The following DAP variants were observed in gnomAD, a reference collection of about 807,000 sequenced individuals.
DAP encodes the protein death associated protein.
A neutral mutation model predicts 13.8 loss-of-function variants in DAP; 8 were observed. That is an observed-to-expected ratio of 0.58 (90% CI 0.34 to 1.05). The LOEUF (loss-of-function observed/expected upper bound fraction) is 1.05. DAP is among the 50% of genes least tolerant of loss of function. DAP has a pLI of 0.03. For missense variants in DAP, 106 were observed against 133.2 expected, an observed-to-expected ratio of 0.80 and a Z score of 1.01; for synonymous variants, 47 against 47.5, an observed-to-expected ratio of 0.99 and a Z score of 0.04.
intron 1 of DAP, among the ~76,000 whole-genome samples, chr5:10,756,016 T>C (rs2111400345): frequency 6.6e-6 from 1 of 152,302 alleles, no homozygotes; most frequent in East Asian, 1.9e-4. Flanking sequence ...GTTGTGGTGG[T>C]GCACACCTGT....
intron 1 of DAP, among the ~76,000 whole-genome samples, chr5:10,754,146 A>G (rs919075814): frequency 6.6e-6 from 1 of 152,222 alleles, no homozygotes; most frequent in Non-Finnish European, 1.5e-5. Context: ...ATGGAAGCCC[A>G]TGCACCTGAA....
chr5:10,688,326 C>A (rs1232342740), intron 2 of DAP, among the ~76,000 whole-genome samples: 1 of 152,198 alleles, frequency 6.6e-6, no homozygotes, highest in African/African-American at 2.4e-5. Context: ...AACAAAAAGA[C>A]TGAGCCTCAC....
intron 2 of DAP, among the ~76,000 whole-genome samples, chr5:10,738,672 A>T (rs1739678684): frequency 6.6e-6 from 1 of 152,256 alleles, no homozygotes; most frequent in African/African-American, 2.4e-5. Flanking sequence ...ATATCACTAA[A>T]TGAAGGTATA....
At chr5:10,689,487 T>G (rs1738244784) in intron 2 of DAP, among the ~76,000 whole-genome samples, 1 of 152,198 alleles carries the variant, frequency 6.6e-6, no homozygotes, top group East Asian at 1.9e-4. Context: ...AAACCCCAAA[T>G]TCACGGAGAT....
At chr5:10,700,468 T>C (rs530163853) in intron 2 of DAP, among the ~76,000 whole-genome samples, 1 of 152,182 alleles carries the variant, frequency 6.6e-6, no homozygotes, top group African/African-American at 2.4e-5. Context: ...TGCTGGGACC[T>C]GTAGGAAGGG....
chr5:10,686,901 G>C (rs746272504), intron 2 of DAP, among the ~76,000 whole-genome samples: 7 of 152,226 alleles, frequency 4.6e-5, no homozygotes, highest in African/African-American at 1.4e-4. Flanking sequence ...CACAGCTAGA[G>C]AGGGAAGTCA....
chr5:10,746,695 T>G (rs1052144775), intron 2 of DAP, among the ~76,000 whole-genome samples: 1 of 152,228 alleles, frequency 6.6e-6, no homozygotes, highest in Admixed American at 6.5e-5. Flanking sequence ...TTTACACTGC[T>G]AATCTCATGA....
At chr5:10,706,332 T>A (rs559617858) in intron 2 of DAP, among the ~76,000 whole-genome samples, 13 of 152,350 alleles carry the variant, frequency 8.5e-5, no homozygotes, top group African/African-American at 3.1e-4. Flanking sequence ...AACAGTCAGC[T>A]TAGGTAATAT....
chr5:10,691,240 G>A (rs1212392569), intron 2 of DAP, among the ~76,000 whole-genome samples: 7 of 152,342 alleles, frequency 4.6e-5, no homozygotes, highest in Middle Eastern at 6.8e-3. Flanking sequence ...GTCTAACAGC[G>A]ATATGTATTT....
chr5:10,685,621 G>C (rs931019237), intron 2 of DAP, among the ~76,000 whole-genome samples: 2 of 152,206 alleles, frequency 1.3e-5, no homozygotes, highest in Non-Finnish European at 2.9e-5. Flanking sequence ...GCCCCACTCT[G>C]GTAGCGAATC....
chr5:10,750,526 A>G (rs1036441648), intron 1 of DAP, among the ~76,000 whole-genome samples: 22 of 152,372 alleles, frequency 1.4e-4, no homozygotes, highest in African/African-American at 5.3e-4. Context: ...AGAAGGAAAC[A>G]GAATCCTGTT....
intron 2 of DAP, among the ~76,000 whole-genome samples, chr5:10,708,509 G>T (rs1366021127): frequency 2.0e-5 from 3 of 151,924 alleles, no homozygotes; most frequent in African/African-American, 7.3e-5. Context: ...TGTATCCTGG[G>T]ATGCACTAAT....
At chr5:10,760,709 G>A (rs1323184722) in intron 1 of DAP, among the ~76,000 whole-genome samples, 2 of 152,202 alleles carry the variant, frequency 1.3e-5, no homozygotes, top group Non-Finnish European at 2.9e-5. Context: ...TTTGTTATAA[G>A]TTGTGCAACT....
At chr5:10,702,884 A>G (rs1738616599) in intron 2 of DAP, among the ~76,000 whole-genome samples, 1 of 152,192 alleles carries the variant, frequency 6.6e-6, no homozygotes, top group Admixed American at 6.5e-5. Flanking sequence ...GTCACTCATG[A>G]CCAAAAAAAC....
At position 10,703,677 on chromosome 5, in the gene DAP, A is replaced by G. The variant is rs115051003; in HGVS notation, c.153-20106T>C. Among the ~76,000 whole-genome samples the G allele has an allele frequency of 8.1e-3, 1,229 of 152,380 alleles. 14 individuals are homozygous for G. Among genetic ancestry groups the G allele is most frequent in the African/African-American group, 0.028 (1,144 of 41,584 alleles). ...CAATAATTCATAACGGACTGGTACA[A>G]CAAGATTTTTTAAGGCTCATAAAAT... On this transcript the variant is annotated intron_variant, in intron 2 of 3. Coordinates refer to ENST00000230895, the MANE Select transcript of DAP (RefSeq NM_004394.3).
At chr5:10,745,078 T>C (rs564967150) in intron 2 of DAP, among the ~76,000 whole-genome samples, 3 of 152,314 alleles carry the variant, frequency 2.0e-5, no homozygotes, top group Admixed American at 6.5e-5. Context: ...GCCGAGCTCA[T>C]TGCACTCTGT....
chr5:10,699,836 TG>T (rs1738522558), intron 2 of DAP, among the ~76,000 whole-genome samples: 2 of 152,256 alleles, frequency 1.3e-5, no homozygotes, highest in South Asian at 4.1e-4. Flanking sequence ...AAAGGTTCCC[TG>T]GGGTGTCCCC....
In DAP at chr5:10,705,200, T is replaced by C. The variant is rs531375513; in HGVS notation, c.153-21629A>G. Among the ~76,000 whole-genome samples, 4 of 152,334 alleles carry C rather than the reference T, an allele frequency of 2.6e-5. No individual in the cohort carries two copies. The South Asian group carries it at 8.3e-4, about 32-fold the overall frequency. ...AATCAGGAAGCCTTTTGGGCAGAAC[T>C]TCCATTAGCATCAGCCCACCGCGGC... On this transcript the variant is annotated intron_variant, in intron 2 of 3. Transcript: ENST00000230895.
Position 10,735,073 on chromosome 5 carries a change from C to T in DAP, c.152+13102G>A, listed in dbSNP as rs570724969. Among the ~76,000 whole-genome samples, 8 of 152,268 alleles carry T rather than the reference C, an allele frequency of 5.3e-5. No individual in the cohort carries two copies. In the South Asian group the frequency reaches 1.7e-3, roughly 32 times the overall value. ...TTAACGGGGTAATGAGTTCAATTCT[C>T]TAGTATCATCCTCAATATATCCCAA... On this transcript the variant is annotated intron_variant, in intron 2 of 3. Coordinates refer to ENST00000230895, the MANE Select transcript of DAP (RefSeq NM_004394.3).
Sources: allele counts gnomAD v4.1 joint callset (sites outside exome capture counted in the v4.1 genomes callset), GRCh38; gene constraint gnomAD v4.1.1; transcripts MANE v1.5; gene names NCBI Gene and HGNC (gene_info 2026-07-23, HGNC 2026-07-21).